The following GHR variants were observed in gnomAD, a reference collection of about 807,000 sequenced individuals.
GHR encodes the protein growth hormone receptor, also known as GH receptor.
A neutral mutation model predicts 67.1 loss-of-function variants in GHR; 35 were observed. That is an observed-to-expected ratio of 0.52 (90% CI 0.40 to 0.69). The LOEUF is 0.69. GHR is among the 30% of genes least tolerant of loss of function. GHR has a pLI of 0.00. For missense variants in GHR, 792 were observed against 764.6 expected, an observed-to-expected ratio of 1.04 and a Z score of -0.42; for synonymous variants, 272 against 269.1, an observed-to-expected ratio of 1.01 and a Z score of -0.10.
chr5:42,639,045 A>G (rs1754340762), intron 3 of GHR, among the ~76,000 whole-genome samples: 1 of 152,310 alleles, frequency 6.6e-6, no homozygotes, highest in South Asian at 2.1e-4. Context: ...CAATGTGGAC[A>G]TATCATTCAG....
chr5:42,507,041 T>C (rs925125022), intron 1 of GHR, among the ~76,000 whole-genome samples: 19 of 152,242 alleles, frequency 1.2e-4, no homozygotes, highest in African/African-American at 4.1e-4. Flanking sequence ...TGTTGGAAAC[T>C]TATGAAAATA....
At chr5:42,473,600 C>T (rs1054350705) in intron 1 of GHR, among the ~76,000 whole-genome samples, 18 of 152,068 alleles carry the variant, frequency 1.2e-4, no homozygotes, top group Admixed American at 8.5e-4. Flanking sequence ...GTCTGTTGGC[C>T]GGGCGCAGTG....
chr5:42,693,956 T>C (rs965233666), intron 4 of GHR, among the ~76,000 whole-genome samples: 1 of 152,212 alleles, frequency 6.6e-6, no homozygotes, highest in Non-Finnish European at 1.5e-5. Flanking sequence ...TGTCATTCCA[T>C]TGCCTTTTAC....
At chr5:42,579,151 T>TAA (rs1344860776) in intron 2 of GHR, among the ~76,000 whole-genome samples, 1 of 88,248 alleles carries the variant, frequency 1.1e-5, no homozygotes, top group East Asian at 2.7e-4. Flanking sequence ...GATAGATAGA[T>TAA]ATAGATAGAT....
At chr5:42,432,290 CA>C (rs1238691684) in intron 1 of GHR, among the ~76,000 whole-genome samples, 1 of 152,160 alleles carries the variant, frequency 6.6e-6, no homozygotes, top group East Asian at 1.9e-4. Context: ...ATTGCCATAT[CA>C]ATGAAAGTAG....
At chr5:42,476,930 G>A (rs530871847) in intron 1 of GHR, among the ~76,000 whole-genome samples, 29 of 151,854 alleles carry the variant, frequency 1.9e-4, no homozygotes, top group East Asian at 9.7e-4. Flanking sequence ...TGTGCACAAC[G>A]TGCAGGTTTG....
chr5:42,520,999 A>C (rs1035802489), intron 1 of GHR, among the ~76,000 whole-genome samples: 2 of 152,024 alleles, frequency 1.3e-5, no homozygotes, highest in Non-Finnish European at 2.9e-5. Flanking sequence ...TTTTTCTTTA[A>C]ACTTTTTATT....
At chr5:42,463,655 C>A (rs539696721) in intron 1 of GHR, among the ~76,000 whole-genome samples, 2 of 152,146 alleles carry the variant, frequency 1.3e-5, no homozygotes, top group African/African-American at 4.8e-5. Context: ...AGCTGTAATT[C>A]ATGTTTTATC....
chr5:42,444,740 C>G (rs1272510554), intron 1 of GHR, among the ~76,000 whole-genome samples: 1 of 152,138 alleles, frequency 6.6e-6, no homozygotes, highest in Non-Finnish European at 1.5e-5. Flanking sequence ...TCTAAAATGA[C>G]TTTTCTCTAA....
chr5:42,676,143 G>A (rs10053691), intron 3 of GHR, among the ~76,000 whole-genome samples: 199 of 152,160 alleles, frequency 1.3e-3, no homozygotes, highest in African/African-American at 4.5e-3. Context: ...AAATTACCTG[G>A]GCATGGTGGC....
Position 42,423,743 on chromosome 5 carries a change from G to C in GHR, c.-224G>C, listed in dbSNP as rs1742714923. ...CAGCCCGCGAGCTGCCAAGCAGGGC[G>C]CAGCCATGGGAAGAGGAGGAGGGCT... On this transcript the variant is annotated 5_prime_UTR_variant, in exon 1 of 10. Transcript: ENST00000230882. 1 of 155,044 alleles carries C rather than the reference G, an allele frequency of 6.4e-6. No individual in the cohort carries two copies. Among genetic ancestry groups the C allele is most frequent in the Non-Finnish European group, 1.4e-5 (1 of 69,762 alleles). 9.6% of individuals were successfully genotyped at this position (155,044 alleles called of 1,614,324 possible).
intron 1 of GHR, among the ~76,000 whole-genome samples, chr5:42,534,154 A>ATATATATGTACATATGTATATATGTATG (rs1389348350): frequency 3.6e-5 from 5 of 140,564 alleles, no homozygotes; most frequent in East Asian, 2.5e-4. Context: ...ATATGTATGT[A>ATATATATGTACATATGTATATATGTATG]TATATATGTA....
At chr5:42,582,045 C>T (rs1449936466) in intron 2 of GHR, among the ~76,000 whole-genome samples, 1 of 152,234 alleles carries the variant, frequency 6.6e-6, no homozygotes, top group East Asian at 1.9e-4. Context: ...ACACACCAGC[C>T]CCCTGGCACA....
At chr5:42,588,689 T>G (rs761494399) in intron 2 of GHR, among the ~76,000 whole-genome samples, 6 of 152,276 alleles carry the variant, frequency 3.9e-5, no homozygotes, top group Non-Finnish European at 8.8e-5. Flanking sequence ...CTGCCCTTTT[T>G]TTCCTCCATA....
At chr5:42,540,423 C>T (rs1404196177) in intron 1 of GHR, among the ~76,000 whole-genome samples, 1 of 152,064 alleles carries the variant, frequency 6.6e-6, no homozygotes, top group Non-Finnish European at 1.5e-5. Context: ...TCAAAACATT[C>T]ACAGAACATA....
chr5:42,554,155 A>G (rs1227158993), intron 1 of GHR, among the ~76,000 whole-genome samples: 1 of 152,176 alleles, frequency 6.6e-6, no homozygotes, highest in Non-Finnish European at 1.5e-5. Flanking sequence ...TACTGATCCA[A>G]TTCATCTATG....
chr5:42,627,585 C>A (rs1225189929), intron 2 of GHR, among the ~76,000 whole-genome samples: 1 of 152,224 alleles, frequency 6.6e-6, no homozygotes, highest in Non-Finnish European at 1.5e-5. Flanking sequence ...GTTCCCTGAT[C>A]CCTCTCACAG....
chr5:42,551,402 G>A (rs1053608841), intron 1 of GHR, among the ~76,000 whole-genome samples: 1 of 152,324 alleles, frequency 6.6e-6, no homozygotes, highest in South Asian at 2.1e-4. Flanking sequence ...TGAAGGGTAG[G>A]TAGAGTCCTG....
At chr5:42,693,790 C>T (rs1182956041) in intron 4 of GHR, among the ~76,000 whole-genome samples, 1 of 152,198 alleles carries the variant, frequency 6.6e-6, no homozygotes, top group South Asian at 2.1e-4. Flanking sequence ...TCTGCCTGCA[C>T]AGGGCCATTC....
Sources: allele counts gnomAD v4.1 joint callset (sites outside exome capture counted in the v4.1 genomes callset), GRCh38; gene constraint gnomAD v4.1.1; transcripts MANE v1.5; gene names NCBI Gene and HGNC (gene_info 2026-07-23, HGNC 2026-07-21).